Variants in PARP8 observed in about 807,000 individuals in gnomAD.
PARP8 encodes protein mono-ADP-ribosyltransferase PARP8.
Under a neutral mutation model 124.1 loss-of-function variants are expected in PARP8, and 51 were observed. The ratio of observed to expected loss-of-function variants is 0.41; its 90% CI spans 0.33 to 0.52. The LOEUF is 0.52. Ranked by LOEUF, PARP8 falls within the 20% of genes least tolerant of loss-of-function variation. PARP8 has a pLI of 0.21. For synonymous variants in PARP8, 391 were observed against 361.5 expected (o/e 1.08, Z -0.93); for missense variants, 860 against 1,018.9 (o/e 0.84, Z 2.12).
chr5:50,800,228 C>T (rs1462634715), intron 14 of PARP8, among the ~76,000 whole-genome samples: 1 of 152,086 alleles, frequency 6.6e-6, no homozygotes, highest in Non-Finnish European at 1.5e-5. Flanking sequence ...ATTCCATTTT[C>T]AGAACGTTCT....
At chr5:50,694,907 C>G (rs1023794223) in intron 2 of PARP8, among the ~76,000 whole-genome samples, 12 of 152,142 alleles carry the variant, frequency 7.9e-5, no homozygotes, top group African/African-American at 2.9e-4. Context: ...CTGAAGAACT[C>G]GGAGTGTAAT....
At chr5:50,735,774 A>G (rs1185414081) in intron 2 of PARP8, among the ~76,000 whole-genome samples, 1 of 152,070 alleles carries the variant, frequency 6.6e-6, no homozygotes, top group Non-Finnish European at 1.5e-5. Flanking sequence ...TCTGATATTC[A>G]TCCAAATTAC....
chr5:50,793,633 A>T (rs1478489114), intron 10 of PARP8, among the ~76,000 whole-genome samples: 1 of 152,236 alleles, frequency 6.6e-6, no homozygotes, highest in African/African-American at 2.4e-5. Flanking sequence ...TGTTGAAGAT[A>T]TAATTTGCTG....
chr5:50,815,582 C>G, intron 15 of PARP8, 58 bp downstream of exon 15: 1 of 1,217,194 alleles, frequency 8.2e-7, no homozygotes, highest in Non-Finnish European at 1.1e-6. Flanking sequence ...TGTTCCAGTC[C>G]ACTAGTTATC....
intron 2 of PARP8, among the ~76,000 whole-genome samples, chr5:50,683,421 A>G (rs1751505652): frequency 6.6e-6 from 1 of 152,174 alleles, no homozygotes; most frequent in Non-Finnish European, 1.5e-5. Flanking sequence ...TTGAATAGTA[A>G]TTATAATGAA....
intron 14 of PARP8, among the ~76,000 whole-genome samples, chr5:50,811,707 T>G (rs1446004984): frequency 6.6e-6 from 1 of 152,136 alleles, no homozygotes; most frequent in Non-Finnish European, 1.5e-5. Flanking sequence ...ATCATCTACA[T>G]TAGGTATATC....
chr5:50,794,260 A>G lies in PARP8; in HGVS notation c.791A>G (p.Asn264Ser), dbSNP rs141289970. The G allele has an allele frequency of 5.1e-5, 83 of 1,613,652 alleles. No homozygotes were observed. The highest frequency in any genetic ancestry group is 1.3e-4 in the African/African-American group (10 of 75,040). The change falls in exon 11 of 26, where the codon AAT becomes AGT. Residue 264 changes from asparagine to serine, a missense_variant. Asn to Ser is a conservative substitution (Grantham distance 46). Coordinates refer to ENST00000281631, the MANE Select transcript of PARP8 (RefSeq NM_024615.4). The part of the protein sequence containing the change: ...QQWKQSKEKS[N>S]CLHNKKLSEK... ...TGGAAACAGAGCAAAGAAAAATCCA[A>G]TTGCCTGCACAATAAAAAGTTGTCA...
intron 2 of PARP8, among the ~76,000 whole-genome samples, chr5:50,676,309 T>C (rs557198120): frequency 9.8e-5 from 15 of 152,386 alleles, no homozygotes; most frequent in Admixed American, 9.8e-4. Flanking sequence ...CAGCAATTTT[T>C]ATAGAAGTTG....
chr5:50,810,572 C>G (rs1218126374), intron 14 of PARP8, among the ~76,000 whole-genome samples: 1 of 152,040 alleles, frequency 6.6e-6, no homozygotes, highest in Non-Finnish European at 1.5e-5. Context: ...TTCAGTTTCT[C>G]TTCCTTGAAT....
At chr5:50,668,221 T>C in intron 2 of PARP8, 96 bp downstream of exon 2, 2 of 1,162,300 alleles carry the variant, frequency 1.7e-6, no homozygotes, top group East Asian at 2.3e-5. Flanking sequence ...TGGTTGCTTG[T>C]TTGTTTGATT....
chr5:50,803,262 CT>C (rs1743439253), intron 14 of PARP8, among the ~76,000 whole-genome samples: 1 of 152,106 alleles, frequency 6.6e-6, no homozygotes. Context: ...GAGATTTCTT[CT>C]TTGTCTTTGG....
chr5:50,667,039 C>T lies in PARP8; in HGVS notation c.-57C>T, dbSNP rs893510334. 4.4e-6 allele frequency: 7 copies of T among 1,593,806 alleles called. No homozygotes were observed. The African/African-American group carries it at 8.0e-5, about 18-fold the overall frequency. On this transcript the variant is annotated 5_prime_UTR_variant, in exon 1 of 26. Coordinates refer to ENST00000281631, the MANE Select transcript of PARP8 (RefSeq NM_024615.4). ...AATATTTACGAAAGCTGGAAGCGTG[C>T]GAGGGGGGTGGGGTGGGGTGGAAAT...
intron 14 of PARP8, among the ~76,000 whole-genome samples, chr5:50,813,221 A>G (rs1453530671): frequency 6.6e-6 from 1 of 152,112 alleles, no homozygotes; most frequent in Non-Finnish European, 1.5e-5. Flanking sequence ...CTTCCTATCC[A>G]TGACCATGGA....
Position 50,763,165 on chromosome 5 carries a change from A to C in PARP8, c.441A>C (p.Glu147Asp). The C allele has an allele frequency of 6.2e-7, 1 of 1,613,358 alleles. No homozygotes were observed. Among genetic ancestry groups the C allele is most frequent in the Non-Finnish European group, 8.5e-7 (1 of 1,179,354 alleles). The change falls in exon 7 of 26, where the codon GAA becomes GAC. Residue 147 changes from glutamate (E) to aspartate (D), a missense_variant. By Grantham distance (45) the Glu-to-Asp change is conservative. Transcript: ENST00000281631. ...YYGGQVNYDG[E>D]LHKHPQLEAD... ...TTCATCAGGTGAACTATGATGGGGA[A>C]CTGCACAAGCACCCACAACTGGAAG...
At chr5:50,723,495 AT>A (rs994392868) in intron 2 of PARP8, among the ~76,000 whole-genome samples, 2 of 151,722 alleles carry the variant, frequency 1.3e-5, no homozygotes, top group Non-Finnish European at 2.9e-5. Context: ...AAAAGAAGTG[AT>A]TTTTTTTGTG....
intron 14 of PARP8, among the ~76,000 whole-genome samples, chr5:50,811,637 A>C (rs1744456314): frequency 6.6e-6 from 1 of 151,742 alleles, no homozygotes; most frequent in African/African-American, 2.4e-5. Context: ...ATGTGCACGA[A>C]GTGCAGGTTT....
intron 19 of PARP8, 125 bp downstream of exon 19, chr5:50,826,928 A>G: frequency 2.2e-6 from 3 of 1,348,100 alleles, no homozygotes; most frequent in Non-Finnish European, 3.0e-6. Flanking sequence ...CAGGTTAAAT[A>G]TAATTCTTTA....
intron 22 of PARP8, among the ~76,000 whole-genome samples, chr5:50,830,192 T>C (rs2149715188): frequency 6.6e-6 from 1 of 152,274 alleles, no homozygotes; most frequent in South Asian, 2.1e-4. Flanking sequence ...TATTTAATAT[T>C]CCTTACATTT....
chr5:50,738,975 T>C, intron 2 of PARP8: 2 of 702,534 alleles, frequency 2.8e-6, no homozygotes, highest in Non-Finnish European at 5.2e-6. Flanking sequence ...TTTTTCTGTA[T>C]CAAGCACATT....
Sources: allele counts gnomAD v4.1 joint callset (sites outside exome capture counted in the v4.1 genomes callset), GRCh38; gene constraint gnomAD v4.1.1; transcripts MANE v1.5; gene names NCBI Gene and HGNC (gene_info 2026-07-23, HGNC 2026-07-21).